The following DNAH6 variants were observed in gnomAD, a reference collection of about 807,000 sequenced individuals.
DNAH6 encodes the protein axonemal beta dynein heavy chain 6.
DNAH6 carries 340 observed loss-of-function variants against 491.4 expected under a neutral mutation model. That is an observed-to-expected ratio of 0.69 (90% CI 0.63 to 0.76). The LOEUF (loss-of-function observed/expected upper bound fraction) is 0.76, where lower values mean the gene tolerates loss of function less well. Ranked by LOEUF, DNAH6 falls within the 30% of genes least tolerant of loss-of-function variation. The probability of loss-of-function intolerance (pLI) is 0.00; values close to 1 mark genes in which losing one functional copy is unlikely to be tolerated. For missense variants in DNAH6, 4,443 were observed against 4,972.2 expected (o/e 0.89, Z 3.20); for synonymous variants, 1,603 against 1,686.1 (o/e 0.95, Z 1.21).
At chr2:84,593,237 TC>T (rs1355293781) in intron 16 of DNAH6, among the ~76,000 whole-genome samples, 2 of 152,314 alleles carry the variant, frequency 1.3e-5, no homozygotes, top group Non-Finnish European at 2.9e-5. Context: ...GATCTAGCCT[TC>T]CTTCTGTGGC....
At chr2:84,506,071 C>T in the DNAH6 span, among the ~76,000 whole-genome samples, 108 of 152,288 alleles carry the variant, frequency 7.1e-4, no homozygotes, top group Middle Eastern at 3.4e-3. Flanking sequence ...TGGGTATATA[C>T]CCAGTAATGG....
chr2:84,497,132 A>G, the DNAH6 span, among the ~76,000 whole-genome samples: 1 of 151,968 alleles, frequency 6.6e-6, no homozygotes, highest in Non-Finnish European at 1.5e-5. Context: ...CACCATGCTC[A>G]GCTAATTTTT....
At position 84,577,358 on chromosome 2, in the gene DNAH6, A is replaced by T. The variant is rs778460964; in HGVS notation, c.2026A>T (p.Thr676Ser). 5 of 1,611,930 alleles carry T rather than the reference A, an allele frequency of 3.1e-6. No individual in the cohort carries two copies. The South Asian group carries it at 5.5e-5, about 18-fold the overall frequency. Reference protein sequence around the residue: ...TRNVGLLLIDTRLLREKLIPS... With the variant: ...TRNVGLLLIDSRLLREKLIPS... ...AAATGTAGGATTGCTGCTCATTGAT[A>T]CTAGGCTTCTAAGAGAAAAATTAAT... is the stretch of plus-strand genomic sequence containing the variant. Residue 676 changes from threonine (T) to serine (S), a missense_variant, in exon 13 of 77, where the codon ACT becomes TCT. By Grantham distance (58) the Thr-to-Ser change is moderately conservative. Coordinates refer to ENST00000389394, the MANE Select transcript of DNAH6 (RefSeq NM_001370.2).
At chr2:84,584,523 A>G (rs1167238929) in intron 15 of DNAH6, 2 of 344,396 alleles carry the variant, frequency 5.8e-6, no homozygotes, top group Non-Finnish European at 5.4e-6. Flanking sequence ...TTTTTATAGT[A>G]TCATTCTAAC....
chr2:84,703,295 TG>T (rs1696105576), intron 49 of DNAH6, 99 bp from the exon 50 acceptor site: 4 of 845,688 alleles, frequency 4.7e-6, no homozygotes, highest in Non-Finnish European at 6.9e-6. Flanking sequence ...TTAACAATTC[TG>T]TAGACGTAAA....
At chr2:84,815,335 A>T (rs1299056048) in intron 75 of DNAH6, among the ~76,000 whole-genome samples, 1 of 151,200 alleles carries the variant, frequency 6.6e-6, no homozygotes, top group Admixed American at 6.6e-5. Context: ...GGCCAAATCC[A>T]CTCAGGGTTT....
At chr2:84,605,344 C>T (rs575464731) in intron 19 of DNAH6, among the ~76,000 whole-genome samples, 156 bp from the exon 20 acceptor site, 14 of 101,732 alleles carry the variant, frequency 1.4e-4, no homozygotes, top group South Asian at 1.1e-3. Flanking sequence ...CAGAGTGAGA[C>T]TCTATCTCAA....
intron 33 of DNAH6, among the ~76,000 whole-genome samples, chr2:84,642,364 A>G (rs772207726): frequency 7.2e-5 from 11 of 152,326 alleles, no homozygotes; most frequent in Admixed American, 1.3e-4. Flanking sequence ...GGGGTTTAAC[A>G]TAAATACAAT....
chr2:84,654,998 G>A (rs1690805825), intron 35 of DNAH6, among the ~76,000 whole-genome samples: 1 of 151,892 alleles, frequency 6.6e-6, no homozygotes, highest in Non-Finnish European at 1.5e-5. Context: ...CTGCCAGCCT[G>A]CCTACTCACC....
intron 58 of DNAH6, among the ~76,000 whole-genome samples, chr2:84,717,758 C>A (rs759784451): frequency 1.3e-5 from 2 of 152,188 alleles, no homozygotes; most frequent in Non-Finnish European, 2.9e-5. Flanking sequence ...GCTCCTTTCT[C>A]ATATGCAATC....
chr2:84,542,455 A>C (rs1341943543), intron 4 of DNAH6, among the ~76,000 whole-genome samples: 3 of 152,138 alleles, frequency 2.0e-5, no homozygotes, highest in Non-Finnish European at 4.4e-5. Context: ...GGGGTGAGTT[A>C]ATTAGAACAC....
chr2:84,514,234 A>G (rs1675446041), upstream of DNAH6, among the ~76,000 whole-genome samples: 1 of 152,192 alleles, frequency 6.6e-6, no homozygotes, highest in East Asian at 1.9e-4. Flanking sequence ...CAGAAGCAGA[A>G]TTCTATGATT....
rs1176302499 is a variant in DNAH6, at chr2:84,745,172, G to A, written c.10435G>A (p.Ala3479Thr). 5 of 1,549,906 alleles carry A rather than the reference G, an allele frequency of 3.2e-6. No homozygotes were observed. Among genetic ancestry groups the A allele is most frequent in the South Asian group, 2.4e-5 (2 of 83,710 alleles). ...ACACATGAGACAGGAAAAGGAGGCA[G>A]CACACCAAGATCCATGGAGTGCAGG... Reference protein sequence around the residue: ...DKHMRQEKEAAHQDPWSAGLS... With the variant: ...DKHMRQEKEATHQDPWSAGLS... Residue 3479 changes from alanine to threonine, a missense_variant, in exon 63 of 77, where the codon GCA becomes ACA. Coordinates refer to ENST00000389394, the MANE Select transcript of DNAH6 (RefSeq NM_001370.2).
intron 60 of DNAH6, among the ~76,000 whole-genome samples, chr2:84,727,013 A>T (rs1331178200): frequency 3.9e-5 from 6 of 152,176 alleles, no homozygotes; most frequent in African/African-American, 7.2e-5. Flanking sequence ...GTTTCTCTTA[A>T]ATTTCCAGGA....
At chr2:84,635,270 T>G (rs528386910) in intron 30 of DNAH6, among the ~76,000 whole-genome samples, 42 of 152,340 alleles carry the variant, frequency 2.8e-4, no homozygotes, top group Admixed American at 2.6e-3. Flanking sequence ...TGGACTATAG[T>G]GAGCTACTAA....
At chr2:84,700,819 A>AC (rs1433538387) in intron 48 of DNAH6, among the ~76,000 whole-genome samples, 1 of 152,176 alleles carries the variant, frequency 6.6e-6, no homozygotes, top group African/African-American at 2.4e-5. Context: ...TTCTAGAAGC[A>AC]CCCAATCATT....
chr2:84,476,993 CT>C, the DNAH6 span, among the ~76,000 whole-genome samples: 1 of 152,208 alleles, frequency 6.6e-6, no homozygotes, highest in Non-Finnish European at 1.5e-5. Flanking sequence ...TCTAGCGTTC[CT>C]TCACTGGGGT....
intron 55 of DNAH6, 119 bp downstream of exon 55, chr2:84,709,665 AT>A: frequency 9.0e-7 from 1 of 1,106,642 alleles, no homozygotes; most frequent in Non-Finnish European, 1.3e-6. Context: ...ATACATGGAG[AT>A]TTAGACCTAG....
chr2:84,727,799 T>C lies in DNAH6; in HGVS notation c.10103T>C (p.Leu3368Pro), dbSNP rs573227865. ...VSRGLFEQHKLIYSFMLCVEM... is the reference protein window; with the variant it reads ...VSRGLFEQHKPIYSFMLCVEM... ...AGAGGACTTTTTGAGCAACATAAAC[T>C]CATCTACAGCTTTATGCTTTGTGTT... Residue 3368 changes from leucine (L) to proline (P), a missense_variant, in exon 61 of 77, where the codon CTC becomes CCC. Physicochemically the swap from Leu to Pro is moderately conservative, Grantham distance 98. This residue lies in a region of DNAH6 where 1,463 missense variants were observed against 1,656.6 expected (regional missense o/e 0.88). Transcript: ENST00000389394. 16 of 1,551,708 alleles carry C rather than the reference T, an allele frequency of 1.0e-5. No individual in the cohort carries two copies. The highest frequency in any genetic ancestry group is 7.1e-5 in the South Asian group (6 of 84,050).
Sources: allele counts gnomAD v4.1 joint callset (sites outside exome capture counted in the v4.1 genomes callset), GRCh38; gene constraint gnomAD v4.1.1; regional missense constraint gnomAD v4.1.1; transcripts MANE v1.5; gene names NCBI Gene and HGNC (gene_info 2026-07-23, HGNC 2026-07-21).